The following PEBP4 variants were observed in gnomAD, a reference collection of about 807,000 sequenced individuals.
PEBP4 encodes the protein phosphatidylethanolamine-binding protein 4.
Under a neutral mutation model 23.9 loss-of-function variants are expected in PEBP4, and 22 were observed. That is an observed-to-expected ratio of 0.92 (90% CI 0.66 to 1.31). The LOEUF (loss-of-function observed/expected upper bound fraction) is 1.31. PEBP4 is among the 40% of genes most tolerant of loss of function. The probability of loss-of-function intolerance (pLI) is 0.00; values close to 1 mark genes in which losing one functional copy is unlikely to be tolerated. For missense variants in PEBP4, 324 were observed against 281.7 expected (o/e 1.15, Z -1.07); for synonymous variants, 112 against 99.3 (o/e 1.13, Z -0.76).
At chr8:22,921,253 T>A (rs758417731) in intron 2 of PEBP4, among the ~76,000 whole-genome samples, 1 of 152,248 alleles carries the variant, frequency 6.6e-6, no homozygotes, top group African/African-American at 2.4e-5. Context: ...GGTTAAGACA[T>A]CACTGAGAGA....
Position 22,927,675 on chromosome 8 carries a change from G to C in PEBP4, c.40C>G (p.Leu14Val), listed in dbSNP as rs1264249144. 6.2e-7 allele frequency: 1 copy of C among 1,614,000 alleles called. No homozygotes were observed. Among genetic ancestry groups the C allele is most frequent in the South Asian group, 1.1e-5 (1 of 91,052 alleles). ...TMRLVTAALL[L>V]GLMMVVTGDE... ...CCAGTGACCACCATCATGAGACCCA[G>C]TAACAGTGCTGCTGTGACCAGCCTC... Residue 14 changes from leucine to valine, a missense_variant, in exon 2 of 7, where the codon CTG (leucine) becomes GTG (valine). Transcript: ENST00000256404.
At position 22,857,594 on chromosome 8, in the gene PEBP4, T is replaced by A. The variant is rs117989321; in HGVS notation, c.259-39859A>T. The stretch of plus-strand genomic sequence containing the variant: ...GTAGGGTCCTTGAACCCAGGACTGA[T>A]GTAACGAGTCTTTCATCTGAAGTCA... On this transcript the variant is annotated intron_variant, in intron 3 of 6. Coordinates refer to ENST00000256404, the MANE Select transcript of PEBP4 (RefSeq NM_144962.3). Among the ~76,000 whole-genome samples, 35 of 152,294 alleles carry A rather than the reference T, an allele frequency of 2.3e-4. No homozygotes were observed. In the East Asian group the frequency reaches 6.7e-3, roughly 29 times the overall value.
intron 3 of PEBP4, among the ~76,000 whole-genome samples, chr8:22,908,393 C>CAAAAA (rs11356446): frequency 1.4e-5 from 2 of 141,804 alleles, no homozygotes; most frequent in Non-Finnish European, 3.0e-5. Context: ...AACAAACAAA[C>CAAAAA]AAAAAAAAAA....
intron 3 of PEBP4, among the ~76,000 whole-genome samples, chr8:22,824,595 T>C (rs1174395129): frequency 2.0e-5 from 3 of 152,182 alleles, no homozygotes; most frequent in African/African-American, 7.2e-5. Flanking sequence ...GAAATAATTA[T>C]AAACTCACTG....
At chr8:22,887,478 A>G (rs1210342926) in intron 3 of PEBP4, among the ~76,000 whole-genome samples, 1 of 151,914 alleles carries the variant, frequency 6.6e-6, no homozygotes, top group Admixed American at 6.6e-5. Flanking sequence ...AATATTTACC[A>G]AATAAGACTG....
chr8:22,829,766 A>G (rs1224667341), intron 3 of PEBP4, among the ~76,000 whole-genome samples: 1 of 152,088 alleles, frequency 6.6e-6, no homozygotes, highest in Admixed American at 6.5e-5. Flanking sequence ...CCTTGGCCCC[A>G]TATCCTCCCC....
At chr8:22,750,090 G>A (rs62494984) in intron 4 of PEBP4, among the ~76,000 whole-genome samples, 26,709 of 151,676 alleles carry the variant, frequency 0.18, 2,694 homozygotes, top group East Asian at 0.45. Flanking sequence ...ACAGGCGTGA[G>A]CCACCGCACC....
chr8:22,919,394 C>T (rs1004818232), intron 3 of PEBP4, among the ~76,000 whole-genome samples: 1 of 152,148 alleles, frequency 6.6e-6, no homozygotes, highest in Non-Finnish European at 1.5e-5. Flanking sequence ...AGAAAAGAGG[C>T]CAGTCTCCAC....
At chr8:22,915,996 G>A (rs544009414) in intron 3 of PEBP4, among the ~76,000 whole-genome samples, 3 of 152,308 alleles carry the variant, frequency 2.0e-5, no homozygotes, top group African/African-American at 7.2e-5. Context: ...GGTGCTCCCT[G>A]GGAGGCTGCG....
At chr8:22,929,841 T>A (rs1809427269), upstream of PEBP4, among the ~76,000 whole-genome samples, 1 of 152,150 alleles carries the variant, frequency 6.6e-6, no homozygotes, top group South Asian at 2.1e-4. Flanking sequence ...CTCAAGTAGC[T>A]GGGAGTACAG....
chr8:22,867,615 A>T (rs1807932521), intron 3 of PEBP4, among the ~76,000 whole-genome samples: 1 of 152,098 alleles, frequency 6.6e-6, no homozygotes. Flanking sequence ...CTCTGGCTCC[A>T]GCCTTCTTGG....
At chr8:22,818,075 A>G (rs1241016666) in intron 3 of PEBP4, among the ~76,000 whole-genome samples, 1 of 152,224 alleles carries the variant, frequency 6.6e-6, no homozygotes, top group Non-Finnish European at 1.5e-5. Flanking sequence ...GGTCCTCTCA[A>G]GAAGAATCCA....
chr8:22,792,773 T>C (rs1054711673), intron 4 of PEBP4, among the ~76,000 whole-genome samples: 6 of 151,988 alleles, frequency 3.9e-5, no homozygotes, highest in Non-Finnish European at 7.4e-5. Flanking sequence ...AATCTGTAAT[T>C]GCAAGCAGAG....
At chr8:22,786,025 AAGAC>A (rs1806020106) in intron 4 of PEBP4, among the ~76,000 whole-genome samples, 1 of 152,216 alleles carries the variant, frequency 6.6e-6, no homozygotes, top group African/African-American at 2.4e-5. Flanking sequence ...GGAATAAAAT[AAGAC>A]AGTGCATGTT....
Position 22,920,320 on chromosome 8 carries a change from G to C in PEBP4, c.132-10C>G, listed in dbSNP as rs763528397. Reference sequence around the variant, plus strand: ...GAAAACTTCAAGGCCCCTATGAAGAGAGAGGGGAGGTTGCCCTGTGTCAGG... The same window carrying C: ...GAAAACTTCAAGGCCCCTATGAAGACAGAGGGGAGGTTGCCCTGTGTCAGG... On this transcript the variant is annotated splice_polypyrimidine_tract_variant and intron_variant, in intron 2 of 6. Transcript: ENST00000256404. The C allele has an allele frequency of 1.1e-5, 18 of 1,606,500 alleles. No homozygotes were observed. In the South Asian group the frequency reaches 1.3e-4, roughly 12 times the overall value.
rs1299686479 is a variant in PEBP4, at chr8:22,775,866, G to A, written c.357+41771C>T. On this transcript the variant is annotated intron_variant, in intron 4 of 6. Transcript: ENST00000256404. This position sits in a 1 kb window ranked among gnomAD's most constrained non-coding sequence, Gnocchi z 4.8. ...AGGATTGCCCGACTCCTTGGCTCTT[G>A]GGGGGGTTTCCCGTTCTGGAGGCGC... Among the ~76,000 whole-genome samples the A allele has an allele frequency of 1.3e-5, 2 of 152,108 alleles. No individual in the cohort carries two copies. The highest frequency in any genetic ancestry group is 2.9e-5 in the Non-Finnish European group (2 of 68,008).
intron 3 of PEBP4, among the ~76,000 whole-genome samples, chr8:22,866,930 G>A (rs966263727): frequency 2.6e-5 from 4 of 152,172 alleles, no homozygotes; most frequent in African/African-American, 7.2e-5. Context: ...AGATGGGGAA[G>A]GGGACCCCAG....
intron 4 of PEBP4, among the ~76,000 whole-genome samples, chr8:22,748,566 A>G (rs919604663): frequency 6.6e-6 from 1 of 150,858 alleles, no homozygotes; most frequent in African/African-American, 2.4e-5. Flanking sequence ...CCTCCCCAGC[A>G]TTCTTCTGTA....
chr8:22,726,149 C>T (rs909530925), intron 5 of PEBP4, among the ~76,000 whole-genome samples: 1 of 152,140 alleles, frequency 6.6e-6, no homozygotes. Context: ...GCAAACGCCC[C>T]GATGCTGTTT....
Sources: allele counts gnomAD v4.1 joint callset (sites outside exome capture counted in the v4.1 genomes callset), GRCh38; gene constraint gnomAD v4.1.1; non-coding constraint Gnocchi (gnomAD v3.1); transcripts MANE v1.5; gene names NCBI Gene and HGNC (gene_info 2026-07-23, HGNC 2026-07-21).